Variants in ADAMTSL3 observed in about 807,000 individuals in gnomAD.
The protein encoded by ADAMTSL3 is ADAMTS like 3, also known as ADAMTS-like protein 3.
A neutral mutation model predicts 201.7 loss-of-function variants in ADAMTSL3; 128 were observed. The ratio of observed to expected loss-of-function variants is 0.63; its 90% CI spans 0.55 to 0.73. ADAMTSL3 has a LOEUF of 0.73. Among genes scored for constraint, ADAMTSL3 ranks in the 30% least tolerant of loss-of-function variants. The pLI, the probability that ADAMTSL3 is intolerant of heterozygous loss-of-function variation, is 0.00. For missense variants in ADAMTSL3, 1,990 were observed against 2,119.6 expected (o/e 0.94, Z 1.20); for synonymous variants, 738 against 748.4 (o/e 0.99, Z 0.23).
intron 4 of ADAMTSL3, among the ~76,000 whole-genome samples, chr15:83,793,762 T>C (rs2063380159): frequency 6.6e-6 from 1 of 151,998 alleles, no homozygotes; most frequent in South Asian, 2.1e-4. Flanking sequence ...TGGGTATGTA[T>C]CTGTTGATTT....
chr15:83,820,058 T>C lies in ADAMTSL3; in HGVS notation c.600+11T>C. ...AGTGGCATCTGTCAGGTAAGCACAC[T>C]TACCTCCCAATCCCCTGCTTTGGGG... On this transcript the variant is annotated intron_variant, in intron 6 of 29. Coordinates refer to ENST00000286744, the MANE Select transcript of ADAMTSL3 (RefSeq NM_207517.3). The C allele has an allele frequency of 6.2e-7, 1 of 1,605,258 alleles. No homozygotes were observed. The highest frequency in any genetic ancestry group is 1.7e-4 in the Middle Eastern group (1 of 6,044).
intron 2 of ADAMTSL3, among the ~76,000 whole-genome samples, chr15:83,659,383 C>T (rs779089323): frequency 5.3e-5 from 8 of 152,150 alleles, no homozygotes; most frequent in Non-Finnish European, 8.8e-5. Flanking sequence ...TCCCCTGGGT[C>T]TTGTTGGTGC....
At chr15:83,742,778 C>T (rs1056776499) in intron 3 of ADAMTSL3, among the ~76,000 whole-genome samples, 1 of 152,140 alleles carries the variant, frequency 6.6e-6, no homozygotes, top group African/African-American at 2.4e-5. Flanking sequence ...GGGAGAGTTC[C>T]TTTCCAATGA....
At chr15:83,994,731 G>GGATTACAGGTA (rs370530381) in intron 23 of ADAMTSL3, among the ~76,000 whole-genome samples, 2 of 149,872 alleles carry the variant, frequency 1.3e-5, no homozygotes, top group African/African-American at 2.5e-5. Flanking sequence ...CAAATAGCTG[G>GGATTACAGGTA]GATTACAGGT....
chr15:83,803,796 A>G (rs1456274594), intron 4 of ADAMTSL3, among the ~76,000 whole-genome samples: 2 of 152,140 alleles, frequency 1.3e-5, no homozygotes, highest in Non-Finnish European at 2.9e-5. Flanking sequence ...TAGCATCCCA[A>G]AAATACTGTT....
chr15:83,793,111 T>C (rs2063368336), intron 4 of ADAMTSL3, among the ~76,000 whole-genome samples: 1 of 152,068 alleles, frequency 6.6e-6, no homozygotes, highest in Non-Finnish European at 1.5e-5. Context: ...ATAATCTCAC[T>C]CATATGTAGA....
intron 2 of ADAMTSL3, among the ~76,000 whole-genome samples, chr15:83,659,804 A>G (rs2061138613): frequency 2.0e-5 from 3 of 152,332 alleles, no homozygotes; most frequent in South Asian, 4.1e-4. Flanking sequence ...AGATGCTACC[A>G]TGGAAGCCAG....
At chr15:83,936,449 A>T (rs747879999) in intron 17 of ADAMTSL3, among the ~76,000 whole-genome samples, 2 of 151,064 alleles carry the variant, frequency 1.3e-5, no homozygotes, top group Non-Finnish European at 2.9e-5. Flanking sequence ...GTAACAGATG[A>T]AAGTAGTTCA....
chr15:84,037,697 C>A lies in ADAMTSL3; in HGVS notation c.4970-3C>A. On this transcript the variant is annotated splice_polypyrimidine_tract_variant and splice_region_variant and intron_variant, in intron 29 of 29. Coordinates refer to ENST00000286744, the MANE Select transcript of ADAMTSL3 (RefSeq NM_207517.3). The stretch of plus-strand genomic sequence containing the variant: ...GTTACAGATATTTGTTTCTTTTTTG[C>A]AGGAGACTGCACAGACACAACTCAC... The A allele has an allele frequency of 6.3e-7, 1 of 1,587,102 alleles. No individual in the cohort carries two copies. The highest frequency in any genetic ancestry group is 8.5e-7 in the Non-Finnish European group (1 of 1,171,876).
At chr15:83,923,632 G>A (rs2066188740) in intron 16 of ADAMTSL3, among the ~76,000 whole-genome samples, 2 of 152,292 alleles carry the variant, frequency 1.3e-5, no homozygotes, top group East Asian at 3.9e-4. Context: ...TGGGGAGTTG[G>A]GATGCTCTTG....
intron 3 of ADAMTSL3, among the ~76,000 whole-genome samples, chr15:83,727,303 G>A (rs2062193916): frequency 6.6e-6 from 1 of 150,728 alleles, no homozygotes; most frequent in Admixed American, 6.6e-5. Flanking sequence ...TCTGGCTAAG[G>A]GTTTGTTGAT....
intron 3 of ADAMTSL3, among the ~76,000 whole-genome samples, chr15:83,733,502 C>T (rs985322881): frequency 1.3e-5 from 2 of 152,098 alleles, no homozygotes; most frequent in Admixed American, 1.3e-4. Flanking sequence ...TGTCCTTTGG[C>T]ATTTTTGTGG....
intron 25 of ADAMTSL3, among the ~76,000 whole-genome samples, chr15:84,018,487 G>A (rs73445104): frequency 0.041 from 6,198 of 152,288 alleles, 397 homozygotes; most frequent in African/African-American, 0.14. Context: ...GAGATACACA[G>A]TGATAGGAGG....
At position 83,922,330 on chromosome 15, in the gene ADAMTSL3, G is replaced by A. The variant is rs115901993; in HGVS notation, c.1988-1574G>A. ...GCTTTAAGACAGAAAAGTGTGTCAT[G>A]AGTGTTGTACAATTCCACCCAGAAT... On this transcript the variant is annotated intron_variant, in intron 16 of 29. Coordinates refer to ENST00000286744, the MANE Select transcript of ADAMTSL3 (RefSeq NM_207517.3). Among the ~76,000 whole-genome samples the A allele has an allele frequency of 4.8e-3, 731 of 152,240 alleles. 9 individuals carry two copies. The highest frequency in any genetic ancestry group is 0.017 in the African/African-American group (701 of 41,532).
chr15:83,669,453 GTTTTTTTTTTTTTTT>G (rs71156089), intron 2 of ADAMTSL3, among the ~76,000 whole-genome samples: 1 of 56,880 alleles, frequency 1.8e-5, no homozygotes, highest in South Asian at 9.1e-4. Context: ...CGGGAGTGAG[GTTTTTTTTTTTTTTT>G]TTTTTTTTTT....
chr15:83,733,157 C>G (rs1166634794), intron 3 of ADAMTSL3, among the ~76,000 whole-genome samples: 1 of 152,108 alleles, frequency 6.6e-6, no homozygotes, highest in Non-Finnish European at 1.5e-5. Flanking sequence ...CTTAAACCCT[C>G]CGAAACAAAA....
chr15:83,709,887 G>C (rs1210124409), intron 3 of ADAMTSL3, among the ~76,000 whole-genome samples: 4 of 152,124 alleles, frequency 2.6e-5, no homozygotes, highest in Non-Finnish European at 4.4e-5. Context: ...GTAGGATAAA[G>C]GACATTAAGC....
chr15:83,888,326 AATT>A (rs1158700239), intron 10 of ADAMTSL3, among the ~76,000 whole-genome samples: 1 of 152,198 alleles, frequency 6.6e-6, no homozygotes, highest in Non-Finnish European at 1.5e-5. Context: ...GAGGAAAATT[AATT>A]GTCTCTCCTC....
Position 83,982,354 on chromosome 15 carries a change from G to A in ADAMTSL3, c.2726G>A (p.Arg909Lys). The change falls in exon 21 of 30, where the codon AGG becomes AAG. Residue 909 changes from arginine to lysine, a missense_variant. By Grantham distance (26) the Arg-to-Lys change is conservative (BLOSUM62 2). Coordinates refer to ENST00000286744, the MANE Select transcript of ADAMTSL3 (RefSeq NM_207517.3). ...LSVQRVYIQTREEKRINLTIG... is the reference protein window; with the variant it reads ...LSVQRVYIQTKEEKRINLTIG... ...GTCCAGAGAGTCTACATTCAGACAA[G>A]GGAAGAGAAGCGTATTAACCTGACC... The A allele has an allele frequency of 6.8e-6, 11 of 1,613,952 alleles. No individual in the cohort carries two copies. The highest frequency in any genetic ancestry group is 9.3e-6 in the Non-Finnish European group (11 of 1,180,004).
Sources: gnomAD v4.1 joint callset for allele counts (sites outside exome capture counted in the v4.1 genomes callset) on GRCh38, gnomAD v4.1.1 for gene constraint, MANE v1.5 for transcripts, NCBI Gene and HGNC (gene_info 2026-07-23, HGNC 2026-07-21) for gene names.